The following RBFOX1 variants were observed in gnomAD, a reference collection of about 807,000 sequenced individuals.
The protein encoded by RBFOX1 is RNA binding fox-1 homolog 1, also known as RNA binding protein fox-1 homolog 1.
A neutral mutation model predicts 57.7 loss-of-function variants in RBFOX1; 8 were observed. The observed-to-expected ratio is 0.14, with a 90% CI of 0.08 to 0.25. The LOEUF is 0.25. RBFOX1 is among the 10% of genes least tolerant of loss of function. RBFOX1 has a pLI of 1.00. For missense variants in RBFOX1, 611 were observed against 548.5 expected (o/e 1.11, Z -1.14); for synonymous variants, 326 against 222.4 (o/e 1.47, Z -4.15).
At chr16:6,118,546 C>T (rs2096522697) in intron 1 of RBFOX1, among the ~76,000 whole-genome samples, 1 of 151,986 alleles carries the variant, frequency 6.6e-6, no homozygotes, top group African/African-American at 2.4e-5. Context: ...TCCGCCTCCT[C>T]CTTGTTCTCT....
At chr16:5,648,384 G>A (rs776967119) in intron 3 of RBFOX1, among the ~76,000 whole-genome samples, 4 of 152,186 alleles carry the variant, frequency 2.6e-5, no homozygotes, top group Admixed American at 6.5e-5. Flanking sequence ...GAAGGACTGC[G>A]CAGGTGTGGT....
rs2098654962 is a variant in RBFOX1 at position 7,429,244 on chromosome 16, C to G, written c.28-88903C>G. ...ACATCCTCTCTCTGGTCACCCCTTC[C>G]CTGCTCACCCATCCCCGGCCATGCT... On this transcript the variant is annotated intron_variant, in intron 4 of 15. Transcript: ENST00000550418. Among the ~76,000 whole-genome samples, 3 of 152,188 alleles carry G rather than the reference C, an allele frequency of 2.0e-5. No individual in the cohort carries two copies. In the South Asian group the frequency reaches 6.2e-4, roughly 32 times the overall value.
intron 4 of RBFOX1, among the ~76,000 whole-genome samples, chr16:5,970,243 A>T (rs918053860): frequency 1.3e-5 from 2 of 151,860 alleles, no homozygotes; most frequent in African/African-American, 4.8e-5. Flanking sequence ...TTTCTCATAG[A>T]TGTTGTCTAT....
chr16:6,104,073 C>T (rs959121084), intron 1 of RBFOX1, among the ~76,000 whole-genome samples: 7 of 152,068 alleles, frequency 4.6e-5, no homozygotes, highest in Admixed American at 4.6e-4. Context: ...TCCACTCTAT[C>T]CTGAATAGCA....
chr16:5,251,072 T>G (rs1352252365), intron 1 of RBFOX1, among the ~76,000 whole-genome samples: 1 of 152,102 alleles, frequency 6.6e-6, no homozygotes, highest in Non-Finnish European at 1.5e-5. Context: ...CTCGGTGTCC[T>G]GGGGTGGGGG....
At chr16:5,364,981 T>C (rs1176334608) in intron 1 of RBFOX1, among the ~76,000 whole-genome samples, 1 of 152,168 alleles carries the variant, frequency 6.6e-6, no homozygotes, top group Admixed American at 6.5e-5. Flanking sequence ...TCGGTTGCAG[T>C]GGTTTGGGTT....
intron 3 of RBFOX1, 26 bp downstream of exon 3, chr16:6,654,676 G>C (rs780981983): frequency 1.3e-6 from 2 of 1,488,858 alleles, no homozygotes; most frequent in Non-Finnish European, 1.8e-6. Flanking sequence ...TCATTTTTAG[G>C]GTTGCAAACA....
intron 5 of RBFOX1, among the ~76,000 whole-genome samples, chr16:7,531,934 C>T (rs2080190109): frequency 6.6e-6 from 1 of 152,054 alleles, no homozygotes; most frequent in Non-Finnish European, 1.5e-5. Context: ...CCAGTGGCCC[C>T]ATAGAGTGAA....
At chr16:5,633,820 T>G (rs987791287) in intron 3 of RBFOX1, among the ~76,000 whole-genome samples, 3 of 148,074 alleles carry the variant, frequency 2.0e-5, no homozygotes, top group African/African-American at 7.5e-5. Flanking sequence ...GCCACTGTCC[T>G]CCAGCCTGGG....
intron 1 of RBFOX1, among the ~76,000 whole-genome samples, chr16:6,309,999 T>G (rs2080044485): frequency 6.6e-6 from 1 of 152,182 alleles, no homozygotes; most frequent in Non-Finnish European, 1.5e-5. Context: ...GTGATTCTCC[T>G]GCCTCAGCCT....
intron 3 of RBFOX1, among the ~76,000 whole-genome samples, chr16:7,024,884 C>T (rs1359508489): frequency 6.6e-6 from 1 of 152,110 alleles, no homozygotes; most frequent in Non-Finnish European, 1.5e-5. Flanking sequence ...ATGGAAGGGC[C>T]TTAGAAGTCA....
chr16:5,788,398 C>G (rs554192033), intron 3 of RBFOX1, among the ~76,000 whole-genome samples: 23 of 152,172 alleles, frequency 1.5e-4, no homozygotes, highest in African/African-American at 4.8e-4. Context: ...GGAGGTCGAG[C>G]TGGGGGGATC....
intron 4 of RBFOX1, among the ~76,000 whole-genome samples, chr16:7,147,273 G>A (rs1030648546): frequency 6.6e-6 from 1 of 151,488 alleles, no homozygotes; most frequent in African/African-American, 2.4e-5. Flanking sequence ...CCAAAGTGCT[G>A]GGATTACAGG....
intron 2 of RBFOX1, among the ~76,000 whole-genome samples, chr16:6,631,816 G>A (rs1347850146): frequency 6.6e-6 from 1 of 152,078 alleles, no homozygotes; most frequent in African/African-American, 2.4e-5. Context: ...GGGGGCGGGG[G>A]TAGAGCGGGT....
intron 4 of RBFOX1, among the ~76,000 whole-genome samples, chr16:5,888,903 C>G (rs1461596941): frequency 2.6e-5 from 4 of 151,030 alleles, no homozygotes; most frequent in Non-Finnish European, 4.4e-5. Flanking sequence ...AGGATGGTGA[C>G]TAGTTCAGCT....
At chr16:7,226,390 G>C (rs910418457) in intron 4 of RBFOX1, among the ~76,000 whole-genome samples, 1 of 152,180 alleles carries the variant, frequency 6.6e-6, no homozygotes, top group African/African-American at 2.4e-5. Context: ...GCAGGTGTAA[G>C]GGACTAATGT....
chr16:5,695,266 A>G (rs1401845393), intron 3 of RBFOX1, among the ~76,000 whole-genome samples: 3 of 152,228 alleles, frequency 2.0e-5, no homozygotes, highest in Middle Eastern at 6.3e-3. Flanking sequence ...GGATAATTTA[A>G]GAAGTCCCTG....
chr16:6,308,229 C>T (rs2079773764), intron 1 of RBFOX1, among the ~76,000 whole-genome samples: 1 of 152,018 alleles, frequency 6.6e-6, no homozygotes, highest in Admixed American at 6.6e-5. Flanking sequence ...TTATTATTTG[C>T]ACATCCTATA....
At chr16:6,463,694 C>A (rs2094972574) in intron 2 of RBFOX1, among the ~76,000 whole-genome samples, 1 of 152,216 alleles carries the variant, frequency 6.6e-6, no homozygotes, top group Non-Finnish European at 1.5e-5. Flanking sequence ...AGCTCTCTTA[C>A]AGCCATGTTT....
Sources: allele counts gnomAD v4.1 joint callset (sites outside exome capture counted in the v4.1 genomes callset), GRCh38; gene constraint gnomAD v4.1.1; transcripts MANE v1.5; gene names NCBI Gene and HGNC (gene_info 2026-07-23, HGNC 2026-07-21).